ARSB: variants seen among roughly 807,000 people sequenced by gnomAD.
The protein encoded by ARSB is N-acetylgalactosamine-4-sulfatase.
A neutral mutation model predicts 50.9 loss-of-function variants in ARSB; 41 were observed. That is an observed-to-expected ratio of 0.81 (90% CI 0.63 to 1.04). ARSB has a LOEUF of 1.04. Ranked by LOEUF, ARSB falls within the 50% of genes least tolerant of loss-of-function variation. The pLI is 0.00. For missense variants in ARSB, 672 were observed against 693.3 expected (o/e 0.97, Z 0.35); for synonymous variants, 269 against 284.8 (o/e 0.94, Z 0.56).
intron 1 of ARSB, among the ~76,000 whole-genome samples, chr5:78,979,928 A>T (rs907029334): frequency 6.6e-6 from 1 of 152,242 alleles, no homozygotes; most frequent in African/African-American, 2.4e-5. Context: ...GTATGAACAA[A>T]ATGTGGCATG....
intron 3 of ARSB, 150 bp downstream of exon 3, chr5:78,964,266 G>A (rs188555307): frequency 1.0e-3 from 802 of 784,396 alleles, no homozygotes; most frequent in Middle Eastern, 3.0e-3. Flanking sequence ...AAGCTTCCCA[G>A]GCTGATTCTG....
chr5:78,913,456 A>T (rs1269074354), intron 4 of ARSB, among the ~76,000 whole-genome samples: 1 of 152,216 alleles, frequency 6.6e-6, no homozygotes, highest in East Asian at 1.9e-4. Flanking sequence ...AAAGTAGGCC[A>T]AGTTACAGAC....
chr5:78,875,676 T>TA lies in ARSB; in HGVS notation c.1142+9907_1142+9908insT, dbSNP rs576264596. The stretch of plus-strand genomic sequence containing the variant: ...CAATAATTATTTATATTATTATTAT[T>TA]TTTTTTTTTGAGACAGAGTCTCGCT... On this transcript the variant is annotated intron_variant, in intron 5 of 7. Coordinates refer to ENST00000264914, the MANE Select transcript of ARSB (RefSeq NM_000046.5). 4.3e-4 allele frequency among the ~76,000 whole-genome samples: 50 copies of TA among 115,320 alleles called. No individual in the cohort carries two copies. The South Asian group carries it at 0.011, about 27-fold the overall frequency. The allele number at this position is 115,320 out of a possible 152,430, so 75.7% of individuals were successfully genotyped here.
rs760875018 is a variant in ARSB, at chr5:78,964,534, C to T, written c.572G>A (p.Arg191Gln). The T allele has an allele frequency of 5.6e-6, 9 of 1,613,982 alleles. No homozygotes were observed. The East Asian group carries it at 1.1e-4, about 20-fold the overall frequency. ...CTLIDALNVT[R>Q]CALDFRDGEE... Reference sequence around the variant, plus strand: ...GCCATCTCGAAAATCAAGAGCACATCGTGTGACATTCAGAGCGTCAATTAA... The same window carrying T: ...GCCATCTCGAAAATCAAGAGCACATTGTGTGACATTCAGAGCGTCAATTAA... The change falls in exon 3 of 8, where the codon CGA (arginine) becomes CAA (glutamine). Residue 191 changes from arginine to glutamine, a missense_variant. By Grantham distance (43) the Arg-to-Gln change is conservative. Coordinates refer to ENST00000264914, the MANE Select transcript of ARSB (RefSeq NM_000046.5).
intron 6 of ARSB, among the ~76,000 whole-genome samples, chr5:78,823,964 A>G (rs1031730893): frequency 2.0e-5 from 3 of 152,170 alleles, no homozygotes; most frequent in African/African-American, 7.2e-5. Context: ...GAGGGGGGGC[A>G]CAGTGGGGAG....
At chr5:78,869,294 A>C (rs1447365824) in intron 5 of ARSB, among the ~76,000 whole-genome samples, 1 of 126,632 alleles carries the variant, frequency 7.9e-6, no homozygotes, top group Non-Finnish European at 1.7e-5. Flanking sequence ...AATTGAACTC[A>C]GCTCTGCACC....
intron 6 of ARSB, among the ~76,000 whole-genome samples, chr5:78,808,231 C>T (rs972009235): frequency 6.6e-6 from 1 of 151,788 alleles, no homozygotes; most frequent in African/African-American, 2.4e-5. Flanking sequence ...CTTTACCTCC[C>T]ACCCCCTCCT....
At chr5:78,879,054 A>C (rs1373318748) in intron 5 of ARSB, among the ~76,000 whole-genome samples, 2 of 151,876 alleles carry the variant, frequency 1.3e-5, no homozygotes, top group African/African-American at 4.8e-5. Flanking sequence ...GGGTTTCGCT[A>C]TGTTGCCCAG....
chr5:78,780,295 G>T lies in ARSB; in HGVS notation c.*102C>A. On this transcript the variant is annotated 3_prime_UTR_variant, in exon 8 of 8. Coordinates refer to ENST00000264914, the MANE Select transcript of ARSB (RefSeq NM_000046.5). Reference sequence around the variant, plus strand: ...CGGTGTGGTTTAAGAGCAAGAGAAGGGCCAAGTGAACCCAGGTTGGGATAA... The same window carrying T: ...CGGTGTGGTTTAAGAGCAAGAGAAGTGCCAAGTGAACCCAGGTTGGGATAA... 1 of 1,521,688 alleles carries T rather than the reference G, an allele frequency of 6.6e-7. No individual in the cohort carries two copies. Among genetic ancestry groups the T allele is most frequent in the Non-Finnish European group, 9.1e-7 (1 of 1,100,728 alleles). 94.3% of individuals were successfully genotyped at this position (1,521,688 alleles called of 1,614,324 possible).
intron 1 of ARSB, among the ~76,000 whole-genome samples, chr5:78,971,974 C>T (rs6871197): frequency 0.27 from 40,950 of 152,176 alleles, 5,701 homozygotes; most frequent in Middle Eastern, 0.35. Flanking sequence ...TAATTAGACA[C>T]CTATCTACAT....
At chr5:78,947,901 G>T (rs1439515392) in intron 4 of ARSB, among the ~76,000 whole-genome samples, 1 of 152,172 alleles carries the variant, frequency 6.6e-6, no homozygotes, top group Admixed American at 6.5e-5. Flanking sequence ...ATCAACAGAT[G>T]CATGGATAAA....
At chr5:78,852,266 T>G (rs570750655) in intron 5 of ARSB, among the ~76,000 whole-genome samples, 17 of 152,362 alleles carry the variant, frequency 1.1e-4, no homozygotes, top group South Asian at 6.2e-4. Context: ...TGACAAAATC[T>G]CTCAGCATTT....
chr5:78,956,338 G>T (rs763749645), intron 3 of ARSB, among the ~76,000 whole-genome samples: 1 of 152,122 alleles, frequency 6.6e-6, no homozygotes, highest in Non-Finnish European at 1.5e-5. Context: ...GAGACAGAGG[G>T]TGGTTGCCTG....
At chr5:78,828,926 G>A (rs1243787363) in intron 6 of ARSB, among the ~76,000 whole-genome samples, 1 of 152,204 alleles carries the variant, frequency 6.6e-6, no homozygotes. Flanking sequence ...CAGAAAAGTT[G>A]AAGAAGGAGG....
intron 5 of ARSB, among the ~76,000 whole-genome samples, chr5:78,864,074 G>A (rs560418035): frequency 3.9e-5 from 6 of 151,936 alleles, no homozygotes; most frequent in Non-Finnish European, 5.9e-5. Flanking sequence ...AACCCTGGGT[G>A]AAGTGAGGAA....
chr5:78,971,853 A>G (rs1752468353), intron 1 of ARSB, among the ~76,000 whole-genome samples: 1 of 152,224 alleles, frequency 6.6e-6, no homozygotes, highest in South Asian at 2.1e-4. Context: ...ATCGAATTGT[A>G]TACTTGAAGT....
intron 6 of ARSB, among the ~76,000 whole-genome samples, chr5:78,810,049 C>T (rs1268887425): frequency 1.3e-5 from 2 of 152,230 alleles, no homozygotes; most frequent in African/African-American, 2.4e-5. Flanking sequence ...AAAGGCACAG[C>T]TCCAAAGCTC....
At position 78,836,678 on chromosome 5, in the gene ARSB, T is replaced by C. The variant is rs548944305; in HGVS notation, c.1213+2678A>G. Among the ~76,000 whole-genome samples, 7 of 152,320 alleles carry C rather than the reference T, an allele frequency of 4.6e-5. No homozygotes were observed. The East Asian group carries it at 1.3e-3, about 29-fold the overall frequency. On this transcript the variant is annotated intron_variant, in intron 6 of 7. Transcript: ENST00000264914. ...TGTTATTTTGCTAGGGCCCTTTAGG[T>C]AAGACAGGAGAAAGCACAGCAAGTT...
At chr5:78,863,549 T>C (rs144049855) in intron 5 of ARSB, among the ~76,000 whole-genome samples, 3,485 of 142,040 alleles carry the variant, frequency 0.025, 133 homozygotes, top group African/African-American at 0.084. Context: ...TAGGTGGGAA[T>C]TGAACAATGA....
Sources: allele counts gnomAD v4.1 joint callset (sites outside exome capture counted in the v4.1 genomes callset), GRCh38; gene constraint gnomAD v4.1.1; transcripts MANE v1.5; gene names NCBI Gene and HGNC (gene_info 2026-07-23, HGNC 2026-07-21).